GPM6B: variants seen among roughly 807,000 people sequenced by gnomAD.
The protein encoded by GPM6B is glycoprotein M6B, also known as neuronal membrane glycoprotein M6-b.
Under a neutral mutation model 27.2 loss-of-function variants are expected in GPM6B, and 4 were observed. The ratio of observed to expected loss-of-function variants is 0.15; its 90% CI spans 0.07 to 0.34. The LOEUF (loss-of-function observed/expected upper bound fraction) is 0.34, where lower values mean the gene tolerates loss of function less well. Ranked by LOEUF, GPM6B falls within the 10% of genes least tolerant of loss-of-function variation. GPM6B has a pLI of 1.00. For missense variants in GPM6B, 183 were observed against 261.9 expected (o/e 0.70, Z 2.08); for synonymous variants, 124 against 103.1 (o/e 1.20, Z -1.23).
chrX:13,936,452 A>G (rs757886328), intron 1 of GPM6B, among the ~76,000 whole-genome samples: 1 of 112,093 alleles, frequency 8.9e-6, no homozygotes, highest in African/African-American at 3.2e-5. Flanking sequence ...TTAATGGGCC[A>G]ATGGTCAGAA....
At chrX:13,910,553 C>A (rs1184281947) in intron 1 of GPM6B, among the ~76,000 whole-genome samples, 1 of 113,342 alleles carries the variant, frequency 8.8e-6, no homozygotes, top group African/African-American at 3.2e-5. Context: ...ATGACAAAAC[C>A]TTTCTAAACA....
intron 1 of GPM6B, among the ~76,000 whole-genome samples, chrX:13,865,459 C>T (rs997305509): frequency 8.2e-5 from 8 of 97,089 alleles, no homozygotes; most frequent in Non-Finnish European, 1.6e-4. Context: ...CAGCCAGGCA[C>T]GGTGGTTCAT....
chrX:13,935,176 A>G (rs1453145924), intron 1 of GPM6B, among the ~76,000 whole-genome samples: 1 of 110,985 alleles, frequency 9.0e-6, no homozygotes, highest in Non-Finnish European at 1.9e-5. Flanking sequence ...GTTGTATCTG[A>G]TCATTTCGTA....
At chrX:13,933,278 T>C (rs1477253005) in intron 1 of GPM6B, among the ~76,000 whole-genome samples, 2 of 111,916 alleles carry the variant, frequency 1.8e-5, no homozygotes, top group Admixed American at 9.5e-5. Context: ...AAGAAGCATA[T>C]GAAAAACACT....
At chrX:13,910,054 C>T (rs1039170090) in intron 1 of GPM6B, among the ~76,000 whole-genome samples, 17 of 112,111 alleles carry the variant, frequency 1.5e-4, no homozygotes, top group African/African-American at 5.5e-4. Context: ...ATACTTTGCA[C>T]TGATTCCTAT....
chrX:13,899,122 G>A (rs1157753940), intron 1 of GPM6B, among the ~76,000 whole-genome samples: 1 of 110,646 alleles, frequency 9.0e-6, no homozygotes, highest in Non-Finnish European at 1.9e-5. Context: ...TGTTAAGACT[G>A]CATAGGGGCT....
intron 1 of GPM6B, among the ~76,000 whole-genome samples, chrX:13,861,619 C>T (rs1422438832): frequency 8.9e-6 from 1 of 111,868 alleles, no homozygotes; most frequent in East Asian, 2.8e-4. Context: ...AAAAAGCCGA[C>T]GAATACTATG....
intron 1 of GPM6B, among the ~76,000 whole-genome samples, chrX:13,908,219 T>TA (rs376753090): frequency 9.2e-6 from 1 of 109,265 alleles, no homozygotes; most frequent in Admixed American, 9.9e-5. Context: ...AACATTGTCT[T>TA]AAAAAAAATT....
At chrX:13,783,892 C>T (rs1405238456) in intron 3 of GPM6B, 1 of 338,788 alleles carries the variant, frequency 3.0e-6, no homozygotes, top group Non-Finnish European at 5.7e-6. Context: ...AAGCCAGCAT[C>T]TGAACCCTGG....
intron 1 of GPM6B, among the ~76,000 whole-genome samples, chrX:13,871,085 AAAAC>A (rs773785417): frequency 0.016 from 452 of 28,754 alleles, 5 homozygotes; most frequent in African/African-American, 0.033. Context: ...AAACAAAAAC[AAAAC>A]AAAACAAAAC....
chrX:13,828,123 T>A (rs2049397801), intron 1 of GPM6B, among the ~76,000 whole-genome samples: 1 of 111,556 alleles, frequency 9.0e-6, no homozygotes, highest in Non-Finnish European at 1.9e-5. Context: ...ATTTTTCTAA[T>A]CTTTGTACAT....
intron 1 of GPM6B, among the ~76,000 whole-genome samples, chrX:13,871,116 A>AAACAAAAC (rs771480385): frequency 0.013 from 685 of 52,907 alleles, 6 homozygotes; most frequent in African/African-American, 0.022. Flanking sequence ...AAACAAAACA[A>AAACAAAAC]AAAAAAAAGA....
chrX:13,810,051 G>A (rs910370584), intron 1 of GPM6B, among the ~76,000 whole-genome samples: 6 of 110,668 alleles, frequency 5.4e-5, no homozygotes, highest in Non-Finnish European at 1.1e-4. Flanking sequence ...CTGGGAGGTG[G>A]AGGTTGCAGT....
chrX:13,831,343 G>C (rs1356415522), intron 1 of GPM6B, among the ~76,000 whole-genome samples: 1 of 110,708 alleles, frequency 9.0e-6, no homozygotes, highest in Non-Finnish European at 1.9e-5. Flanking sequence ...ATGGGAATTG[G>C]GAGGTCTCGG....
chrX:13,794,094 T>G (rs2048762944), intron 2 of GPM6B, among the ~76,000 whole-genome samples: 4 of 111,581 alleles, frequency 3.6e-5, no homozygotes, highest in African/African-American at 1.3e-4. Flanking sequence ...AAAGGCAGGG[T>G]TGAGTTGTTG....
intron 1 of GPM6B, among the ~76,000 whole-genome samples, chrX:13,865,585 G>GA (rs1443329487): frequency 0.055 from 2,852 of 52,140 alleles, 167 homozygotes; most frequent in African/African-American, 0.16. Flanking sequence ...GAAAAGAAAA[G>GA]AAAAAAAAAA....
At chrX:13,849,729 T>C (rs961363825) in intron 1 of GPM6B, among the ~76,000 whole-genome samples, 5 of 110,392 alleles carry the variant, frequency 4.5e-5, no homozygotes, top group Non-Finnish European at 9.5e-5. Flanking sequence ...AAAAGCAACA[T>C]TTTTAATATA....
intron 1 of GPM6B, among the ~76,000 whole-genome samples, chrX:13,814,916 G>A: frequency 8.9e-6 from 1 of 112,144 alleles, no homozygotes; most frequent in Non-Finnish European, 1.9e-5. Context: ...TATTTAACAA[G>A]CAGCTAGTGT....
rs377057396 is a variant in GPM6B at position 13,799,402 on chromosome X, AT to A, written c.181+8247del. The stretch of plus-strand genomic sequence containing the variant: ...TGATTTTTGTATTATTATTATTATT[AT>A]TTTTTTTTTAGTAGAGATGGGGTTT... On this transcript the variant is annotated intron_variant, in intron 2 of 7. Coordinates refer to ENST00000316715, the MANE Select transcript of GPM6B (RefSeq NM_001001995.3). 3.4e-3 allele frequency among the ~76,000 whole-genome samples: 214 copies of A among 63,794 alleles called. 2 individuals carry two copies. The highest frequency in any genetic ancestry group is 7.0e-3 in the Middle Eastern group (1 of 143). 55.4% of individuals were successfully genotyped at this position (63,794 alleles called of 115,157 possible).
Sources: allele counts gnomAD v4.1 joint callset (sites outside exome capture counted in the v4.1 genomes callset), GRCh38; gene constraint gnomAD v4.1.1; transcripts MANE v1.5; gene names NCBI Gene and HGNC (gene_info 2026-07-23, HGNC 2026-07-21).